Variants in MED27 observed in about 807,000 individuals in gnomAD.
MED27 encodes mediator complex subunit 27.
MED27 carries 30 observed loss-of-function variants against 38.2 expected under a neutral mutation model. That is an observed-to-expected ratio of 0.79 (90% CI 0.59 to 1.07). MED27 has a LOEUF of 1.07. Among genes scored for constraint, MED27 ranks in the 50% least tolerant of loss-of-function variants. MED27 has a pLI of 0.00. For synonymous variants in MED27, 122 were observed against 153.5 expected, an observed-to-expected ratio of 0.79 and a Z score of 1.52; for missense variants, 289 against 397.5, an observed-to-expected ratio of 0.73 and a Z score of 2.32.
Position 132,079,783 on chromosome 9 carries a change from A to G in MED27, c.62T>C (p.Ile21Thr). 6.2e-7 allele frequency: 1 copy of G among 1,614,094 alleles called. No homozygotes were observed. The highest frequency in any genetic ancestry group is 8.5e-7 in the Non-Finnish European group (1 of 1,179,988). Residue 21 changes from isoleucine (I) to threonine (T), a missense_variant, in exon 1 of 8, where the codon ATC becomes ACC. Ile to Thr is a moderately conservative substitution (Grantham distance 89, BLOSUM62 -1). Coordinates refer to ENST00000292035, the MANE Select transcript of MED27 (RefSeq NM_004269.4). ...LEAFSQAISA[I>T]QALRSSVSRV... ...GCTCACGCTGGAGCGCAGCGCCTGG[A>G]TGGCACTAATGGCCTGGGAAAAGGC...
At chr9:131,893,062 T>C (rs1839254883) in intron 5 of MED27, among the ~76,000 whole-genome samples, 1 of 152,252 alleles carries the variant, frequency 6.6e-6, no homozygotes, top group South Asian at 2.1e-4. Context: ...ACCACCTTTT[T>C]TTGAAGAACA....
At chr9:131,880,084 T>C (rs1186840926) in intron 6 of MED27, among the ~76,000 whole-genome samples, 1 of 152,192 alleles carries the variant, frequency 6.6e-6, no homozygotes. Context: ...GCCACTGAGA[T>C]GAACACGACG....
At chr9:132,071,813 C>T (rs941586135) in intron 2 of MED27, among the ~76,000 whole-genome samples, 7 of 151,464 alleles carry the variant, frequency 4.6e-5, no homozygotes, top group South Asian at 2.1e-4. Context: ...GAGTAATGCA[C>T]GCCCCATAAG....
intron 3 of MED27, among the ~76,000 whole-genome samples, chr9:131,993,642 C>G (rs1204909754): frequency 3.3e-5 from 5 of 152,244 alleles, no homozygotes; most frequent in Non-Finnish European, 1.5e-5. Context: ...GTGGATCCAT[C>G]CACTGGGTCC....
chr9:131,965,240 G>T (rs1457232948), intron 3 of MED27, among the ~76,000 whole-genome samples: 1 of 152,176 alleles, frequency 6.6e-6, no homozygotes, highest in Non-Finnish European at 1.5e-5. Context: ...TTGCTAACTG[G>T]TCATTTTCAT....
intron 3 of MED27, among the ~76,000 whole-genome samples, chr9:131,945,310 C>CT (rs1830864812): frequency 1.5e-4 from 22 of 151,660 alleles, no homozygotes; most frequent in Non-Finnish European, 4.4e-5. Flanking sequence ...TTTTAATTGA[C>CT]AAATAAAGAT....
rs1830308002 is a variant in MED27, at chr9:131,917,232, TC to T, written c.573+22148del. 6.6e-6 allele frequency among the ~76,000 whole-genome samples: 1 copy of T among 152,030 alleles called. No individual in the cohort carries two copies. Among genetic ancestry groups the T allele is most frequent in the African/African-American group, 2.4e-5 (1 of 41,406 alleles). ...TTCCATAGACTGGAACTGAAATTGT[TC>T]CATCCAAACTGCCAACAGTGCCTCC... On this transcript the variant is annotated intron_variant, in intron 4 of 7. Coordinates refer to ENST00000292035, the MANE Select transcript of MED27 (RefSeq NM_004269.4). The surrounding 1 kb of genome is among the most constrained non-coding windows in gnomAD (Gnocchi z 4.6).
At chr9:132,038,383 G>A (rs1433692267) in intron 2 of MED27, among the ~76,000 whole-genome samples, 4 of 151,292 alleles carry the variant, frequency 2.6e-5, no homozygotes, top group Non-Finnish European at 4.4e-5. Context: ...TAGTAGAGAC[G>A]GGGTTTCACC....
chr9:131,879,455 G>C (rs192193020), intron 6 of MED27, among the ~76,000 whole-genome samples: 1 of 152,302 alleles, frequency 6.6e-6, no homozygotes, highest in East Asian at 1.9e-4. Flanking sequence ...GGAGCTCTGC[G>C]GTTCTACCTC....
chr9:131,936,692 T>G (rs1454220561), intron 4 of MED27, among the ~76,000 whole-genome samples: 1 of 152,220 alleles, frequency 6.6e-6, no homozygotes, highest in African/African-American at 2.4e-5. Context: ...CTACTCTGGT[T>G]TTTGTCCTGC....
At chr9:132,027,874 A>T (rs1390903959) in intron 2 of MED27, among the ~76,000 whole-genome samples, 1 of 152,242 alleles carries the variant, frequency 6.6e-6, no homozygotes, top group Non-Finnish European at 1.5e-5. Context: ...CAAAGCTTTG[A>T]TAAGGAGCTG....
intron 2 of MED27, among the ~76,000 whole-genome samples, chr9:132,020,546 T>G (rs528236057): frequency 6.6e-6 from 1 of 152,358 alleles, no homozygotes; most frequent in East Asian, 1.9e-4. Context: ...CTAAGATTTC[T>G]GCAACATCAG....
intron 4 of MED27, among the ~76,000 whole-genome samples, chr9:131,897,309 A>G (rs1288885118): frequency 6.6e-6 from 1 of 152,366 alleles, no homozygotes; most frequent in South Asian, 2.1e-4. Context: ...GTGGCAAACA[A>G]TACAAATATT....
intron 2 of MED27, among the ~76,000 whole-genome samples, chr9:132,030,876 G>A (rs1253227767): frequency 6.6e-6 from 1 of 152,226 alleles, no homozygotes; most frequent in Non-Finnish European, 1.5e-5. Context: ...AAGAGAAGAG[G>A]AGACAGCAAC....
chr9:131,953,006 C>T (rs1394855098), intron 3 of MED27, among the ~76,000 whole-genome samples: 1 of 152,170 alleles, frequency 6.6e-6, no homozygotes, highest in Non-Finnish European at 1.5e-5. Flanking sequence ...GAGTAAGAAA[C>T]ATGGTAAATT....
intron 2 of MED27, among the ~76,000 whole-genome samples, chr9:132,071,469 AC>A (rs1833934583): frequency 6.6e-6 from 1 of 151,348 alleles, no homozygotes; most frequent in South Asian, 2.1e-4. Context: ...AGTAACACAC[AC>A]CCCACAAATA....
intron 3 of MED27, among the ~76,000 whole-genome samples, chr9:131,947,991 G>A (rs1830916015): frequency 6.6e-6 from 1 of 152,164 alleles, no homozygotes; most frequent in East Asian, 1.9e-4. Context: ...TTTGACAGTG[G>A]GTGGAAACAG....
chr9:132,057,597 C>A (rs151041197), intron 2 of MED27, among the ~76,000 whole-genome samples: 1 of 152,328 alleles, frequency 6.6e-6, no homozygotes, highest in East Asian at 1.9e-4. Flanking sequence ...CCTTAAACTT[C>A]ATTTGCTCTA....
At chr9:131,890,696 A>G (rs1442049372) in intron 5 of MED27, among the ~76,000 whole-genome samples, 2 of 152,178 alleles carry the variant, frequency 1.3e-5, no homozygotes, top group African/African-American at 4.8e-5. Context: ...ACAGACAGTC[A>G]CACGATGGAG....
Sources: allele counts gnomAD v4.1 joint callset (sites outside exome capture counted in the v4.1 genomes callset), GRCh38; gene constraint gnomAD v4.1.1; non-coding constraint Gnocchi (gnomAD v3.1); transcripts MANE v1.5; gene names NCBI Gene and HGNC (gene_info 2026-07-23, HGNC 2026-07-21).